The following RASAL2 variants were observed in gnomAD, a reference collection of about 807,000 sequenced individuals.
The protein encoded by RASAL2 is ras GTPase-activating protein nGAP.
In RASAL2, 58 loss-of-function variants were observed where a neutral mutation model predicts 128.9. The observed-to-expected ratio is 0.45, with a 90% CI of 0.36 to 0.56. RASAL2 has a LOEUF of 0.56. Among genes scored for constraint, RASAL2 ranks in the 20% least tolerant of loss-of-function variants. The probability of loss-of-function intolerance (pLI) is 0.00; values close to 1 mark genes in which losing one functional copy is unlikely to be tolerated. For synonymous variants in RASAL2, 561 were observed against 580.8 expected (o/e 0.97, Z 0.49); for missense variants, 1,360 against 1,601.6 (o/e 0.85, Z 2.57).
At chr1:178,295,850 A>G (rs1040553958) in intron 2 of RASAL2, among the ~76,000 whole-genome samples, 1 of 152,316 alleles carries the variant, frequency 6.6e-6, no homozygotes, top group Middle Eastern at 3.4e-3. Flanking sequence ...AGCATATAGT[A>G]GTCCTGAGCA....
chr1:178,458,523 C>A lies in RASAL2; in HGVS notation c.3231C>A (p.Ile1077=). 1 of 1,611,270 alleles carries A rather than the reference C, an allele frequency of 6.2e-7. No homozygotes were observed. The highest frequency in any genetic ancestry group is 8.5e-7 in the Non-Finnish European group (1 of 1,178,594). ...GCCCTGTTCCCAAAGTTAGAGCAATCCAGAGACAACAGACACAGCAGGTAG... is the reference window on the plus strand; with the variant it reads ...GCCCTGTTCCCAAAGTTAGAGCAATACAGAGACAACAGACACAGCAGGTAG... ...RESPVPKVRA[I]QRQQTQQVQS... is the part of the protein sequence containing the mutation. The change falls in exon 14 of 18, where the codon ATC becomes ATA. Residue 1077 remains isoleucine, a synonymous_variant. Transcript: ENST00000367649.
intron 1 of RASAL2, among the ~76,000 whole-genome samples, chr1:178,166,512 G>A (rs560282165): frequency 1.3e-5 from 2 of 152,216 alleles, no homozygotes; most frequent in East Asian, 3.9e-4. Flanking sequence ...AGTAAATGAA[G>A]CCAGTTGAAA....
chr1:178,393,784 C>T (rs1160446672), intron 4 of RASAL2, among the ~76,000 whole-genome samples: 1 of 152,148 alleles, frequency 6.6e-6, no homozygotes, highest in East Asian at 1.9e-4. Context: ...AACCCCAGTG[C>T]CTAACACAGT....
chr1:178,283,814 G>T, intron 2 of RASAL2, 123 bp downstream of exon 2: 1 of 1,223,328 alleles, frequency 8.2e-7, no homozygotes, highest in Non-Finnish European at 1.2e-6. Flanking sequence ...GAAGATATAG[G>T]TAAGTCTAAA....
chr1:178,120,382 T>C (rs1659671774), intron 1 of RASAL2, among the ~76,000 whole-genome samples: 4 of 152,354 alleles, frequency 2.6e-5, no homozygotes, highest in Admixed American at 2.6e-4. Context: ...TACTCATTTT[T>C]GCTAGAGTTA....
chr1:178,295,656 G>T (rs1034245085), intron 2 of RASAL2, among the ~76,000 whole-genome samples: 13 of 152,118 alleles, frequency 8.5e-5, no homozygotes, highest in African/African-American at 2.7e-4. Flanking sequence ...AGATTGCCAA[G>T]CTCTACCCTG....
At chr1:178,210,038 A>G (rs923031503) in intron 1 of RASAL2, among the ~76,000 whole-genome samples, 1 of 151,934 alleles carries the variant, frequency 6.6e-6, no homozygotes, top group Non-Finnish European at 1.5e-5. Context: ...TCAATTTAAC[A>G]TGTTAAATTT....
intron 1 of RASAL2, among the ~76,000 whole-genome samples, chr1:178,202,100 C>T (rs548562895): frequency 2.0e-5 from 3 of 152,246 alleles, no homozygotes; most frequent in South Asian, 4.1e-4. Context: ...TTCCAGGGGA[C>T]CCAAAACATC....
At chr1:178,221,805 T>C (rs1022890565) in intron 1 of RASAL2, among the ~76,000 whole-genome samples, 1 of 152,204 alleles carries the variant, frequency 6.6e-6, no homozygotes, top group Non-Finnish European at 1.5e-5. Context: ...ATCAACTATA[T>C]TCTCACCGAT....
intron 4 of RASAL2, among the ~76,000 whole-genome samples, chr1:178,413,265 T>C (rs993397749): frequency 2.0e-5 from 3 of 152,212 alleles, no homozygotes; most frequent in African/African-American, 7.2e-5. Flanking sequence ...TGGCCCGTTC[T>C]GTTTTTCTTA....
At chr1:178,427,981 G>A (rs192308011) in intron 5 of RASAL2, among the ~76,000 whole-genome samples, 10 of 150,798 alleles carry the variant, frequency 6.6e-5, no homozygotes, top group East Asian at 3.9e-4. Context: ...TGTCTCTATC[G>A]CTTTATTATT....
At chr1:178,106,708 A>G (rs1018760365) in intron 1 of RASAL2, among the ~76,000 whole-genome samples, 4 of 152,218 alleles carry the variant, frequency 2.6e-5, no homozygotes, top group Admixed American at 2.0e-4. Context: ...GGTGATTTCT[A>G]TTGAAATAGA....
At chr1:178,267,652 T>TG (rs1666032530) in intron 1 of RASAL2, among the ~76,000 whole-genome samples, 1 of 149,692 alleles carries the variant, frequency 6.7e-6, no homozygotes, top group South Asian at 2.1e-4. Flanking sequence ...GAGGGAGTCT[T>TG]GCTCTGTCGC....
chr1:178,162,452 ATAT>A (rs1461788728), intron 1 of RASAL2, among the ~76,000 whole-genome samples: 3 of 120,540 alleles, frequency 2.5e-5, no homozygotes, highest in South Asian at 2.2e-4. Flanking sequence ...AATATATATA[ATAT>A]TAAATATATT....
At position 178,207,764 on chromosome 1, in the gene RASAL2, C is replaced by G. The variant is rs1344838858; in HGVS notation, c.203-75800C>G. Among the ~76,000 whole-genome samples, 6 of 152,014 alleles carry G rather than the reference C, an allele frequency of 3.9e-5. No individual in the cohort carries two copies. The East Asian group carries it at 1.2e-3, about 29-fold the overall frequency. On this transcript the variant is annotated intron_variant, in intron 1 of 17. Coordinates refer to ENST00000367649, the MANE Select transcript of RASAL2 (RefSeq NM_170692.4). ...CACACATAAGTAACATGATAATATC[C>G]TCTACTTTTTAACTTATTCATTTTA...
intron 1 of RASAL2, among the ~76,000 whole-genome samples, chr1:178,132,047 T>C (rs1660138632): frequency 6.6e-6 from 1 of 151,864 alleles, no homozygotes; most frequent in South Asian, 2.1e-4. Flanking sequence ...CCCTTCCCTC[T>C]TTCTCTTCCC....
At chr1:178,437,175 A>G (rs969250885) in intron 5 of RASAL2, among the ~76,000 whole-genome samples, 1 of 152,140 alleles carries the variant, frequency 6.6e-6, no homozygotes, top group Non-Finnish European at 1.5e-5. Context: ...AAGGAATAGA[A>G]TAAGGAATAT....
intron 5 of RASAL2, among the ~76,000 whole-genome samples, chr1:178,437,667 ATTG>A (rs1474125155): frequency 1.3e-5 from 2 of 152,188 alleles, no homozygotes; most frequent in African/African-American, 2.4e-5. Flanking sequence ...ATGAGCTAGA[ATTG>A]TTGTTTTGTT....
chr1:178,095,262 G>A (rs931205756), intron 1 of RASAL2, among the ~76,000 whole-genome samples: 4 of 152,172 alleles, frequency 2.6e-5, no homozygotes, highest in Middle Eastern at 3.2e-3. Context: ...GAATCTCGTT[G>A]TAAAGTGACT....
Sources: allele counts gnomAD v4.1 joint callset (sites outside exome capture counted in the v4.1 genomes callset), GRCh38; gene constraint gnomAD v4.1.1; transcripts MANE v1.5; gene names NCBI Gene and HGNC (gene_info 2026-07-23, HGNC 2026-07-21).